The following EXD3 variants were observed in gnomAD, a reference collection of about 807,000 sequenced individuals.
EXD3 encodes exonuclease mut-7 homolog.
A neutral mutation model predicts 98.0 loss-of-function variants in EXD3; 92 were observed. The ratio of observed to expected loss-of-function variants is 0.94; its 90% confidence interval spans 0.79 to 1.12. The LOEUF (loss-of-function observed/expected upper bound fraction) is 1.12. Ranked by LOEUF, EXD3 falls within the 50% of genes most tolerant of loss-of-function variation. The probability of loss-of-function intolerance (pLI) is 0.00; values close to 1 mark genes in which losing one functional copy is unlikely to be tolerated. For missense variants in EXD3, 1,222 were observed against 1,191.6 expected (o/e 1.03, Z -0.38); for synonymous variants, 569 against 526.0 (o/e 1.08, Z -1.12).
At position 137,362,802 on chromosome 9, in the gene EXD3, G is replaced by T. The variant is rs1489865620; in HGVS notation, c.656+3691C>A. On this transcript the variant is annotated intron_variant, in intron 7 of 21. Transcript: ENST00000340951. ...GTCTGTTGGTGTCTTCTCAGTCTTT[G>T]TTGTTGTTGTTTTTGTTGTTGTTTT... Among the ~76,000 whole-genome samples the T allele has an allele frequency of 2.0e-5, 3 of 151,950 alleles. No homozygotes were observed. In the East Asian group the frequency reaches 5.8e-4, roughly 29 times the overall value.
At chr9:137,311,765 G>C (rs1447782108) in intron 19 of EXD3, among the ~76,000 whole-genome samples, 2 of 152,226 alleles carry the variant, frequency 1.3e-5, no homozygotes, top group Admixed American at 1.3e-4. Flanking sequence ...CCAGCCACAG[G>C]GGGGCCTGGC....
At chr9:137,354,475 T>C in intron 9 of EXD3, 98 bp from the exon 10 acceptor site, 1 of 1,576,864 alleles carries the variant, frequency 6.3e-7, no homozygotes, top group Non-Finnish European at 8.6e-7. Flanking sequence ...GGGTACATCC[T>C]TGGCAGAGCC....
chr9:137,394,077 C>T (rs2131761142), intron 2 of EXD3, among the ~76,000 whole-genome samples: 1 of 152,316 alleles, frequency 6.6e-6, no homozygotes, highest in Admixed American at 6.5e-5. Context: ...TCGGGCTGAC[C>T]CCTCTGGCAC....
At chr9:137,327,548 T>A (rs982026647) in intron 17 of EXD3, among the ~76,000 whole-genome samples, 3 of 151,984 alleles carry the variant, frequency 2.0e-5, no homozygotes, top group Non-Finnish European at 4.4e-5. Flanking sequence ...GTTAAAATGG[T>A]CAATTTCGTG....
At chr9:137,363,208 A>G (rs1835070366) in intron 7 of EXD3, among the ~76,000 whole-genome samples, 1 of 146,230 alleles carries the variant, frequency 6.8e-6, no homozygotes, top group Non-Finnish European at 1.5e-5. Flanking sequence ...GTTGGACTTT[A>G]GTTTTCCTTC....
At chr9:137,413,691 G>A (rs986872606) in intron 1 of EXD3, among the ~76,000 whole-genome samples, 6 of 151,542 alleles carry the variant, frequency 4.0e-5, no homozygotes, top group African/African-American at 1.2e-4. Context: ...TGGTAGAGAC[G>A]GGGTGTTGCC....
At chr9:137,344,925 C>T (rs1687343140) in intron 17 of EXD3, among the ~76,000 whole-genome samples, 1 of 152,072 alleles carries the variant, frequency 6.6e-6, no homozygotes, top group African/African-American at 2.4e-5. Flanking sequence ...TCACCATAAG[C>T]AGCAGAAACA....
intron 19 of EXD3, among the ~76,000 whole-genome samples, chr9:137,311,777 G>A (rs1167828371): frequency 6.6e-6 from 1 of 152,208 alleles, no homozygotes; most frequent in Non-Finnish European, 1.5e-5. Flanking sequence ...GGGCCTGGCA[G>A]CGAGGGCCTC....
chr9:137,364,136 T>C (rs1835111477), intron 7 of EXD3, among the ~76,000 whole-genome samples: 2 of 152,148 alleles, frequency 1.3e-5, no homozygotes, highest in Non-Finnish European at 2.9e-5. Context: ...TCGTGGACTT[T>C]TAAAAGTCAA....
At chr9:137,419,327 G>A (rs1838394741) in intron 1 of EXD3, among the ~76,000 whole-genome samples, 1 of 152,204 alleles carries the variant, frequency 6.6e-6, no homozygotes, top group Admixed American at 6.5e-5. Context: ...GCTACTCTAA[G>A]TCTTTTGTCA....
intron 17 of EXD3, among the ~76,000 whole-genome samples, chr9:137,326,796 C>G (rs1832427547): frequency 6.6e-6 from 1 of 152,084 alleles, no homozygotes; most frequent in Non-Finnish European, 1.5e-5. Flanking sequence ...GTGAAGGTTC[C>G]TCAAGAAGTT....
chr9:137,332,093 GCAAA>G (rs1292256415), intron 17 of EXD3, among the ~76,000 whole-genome samples: 1 of 151,956 alleles, frequency 6.6e-6, no homozygotes, highest in Non-Finnish European at 1.5e-5. Context: ...CATGAATGAC[GCAAA>G]CAAATGGAAA....
At chr9:137,354,898 C>T (rs568509270) in intron 8 of EXD3, 125 bp from the exon 9 acceptor site, 73 of 932,744 alleles carry the variant, frequency 7.8e-5, no homozygotes, top group South Asian at 3.2e-4. Context: ...ACCTCTGCCC[C>T]GGAGCCCACC....
At chr9:137,309,087 G>A (rs931859116) in intron 20 of EXD3, among the ~76,000 whole-genome samples, 9 of 152,132 alleles carry the variant, frequency 5.9e-5, no homozygotes, top group Non-Finnish European at 1.3e-4. Context: ...TAATGGCGGC[G>A]GGGCGGGGGC....
chr9:137,343,888 T>TGTATCCTCTTTACTAC (rs1833784246), intron 17 of EXD3, among the ~76,000 whole-genome samples: 3 of 5,142 alleles, frequency 5.8e-4, no homozygotes, highest in Admixed American at 2.3e-3. Context: ...GCGCCCGGCC[T>TGTATCCTCTTTACTAC]TTTTTTTTTT....
chr9:137,397,455 A>T (rs1385303359), intron 1 of EXD3, among the ~76,000 whole-genome samples: 1 of 152,230 alleles, frequency 6.6e-6, no homozygotes, highest in East Asian at 1.9e-4. Flanking sequence ...GATGATACCT[A>T]AATCCAGAGT....
At chr9:137,338,193 C>T (rs910464962) in intron 17 of EXD3, among the ~76,000 whole-genome samples, 2 of 152,114 alleles carry the variant, frequency 1.3e-5, no homozygotes, top group Admixed American at 6.6e-5. Flanking sequence ...AATATACAGA[C>T]TATTTTCCTG....
chr9:137,355,690 AAAGGGAGGAAGGAGGAAGGAGG>A (rs1564509184), intron 8 of EXD3, among the ~76,000 whole-genome samples: 23 of 23,164 alleles, frequency 9.9e-4, no homozygotes, highest in Admixed American at 5.8e-4. Flanking sequence ...GAGGAAGGAG[AAAGGGAGGAAGGAGGAAGGAGG>A]AAGGAGGAAG....
chr9:137,411,713 AG>A (rs1838010090), intron 1 of EXD3, among the ~76,000 whole-genome samples: 1 of 5,716 alleles, frequency 1.7e-4, no homozygotes, highest in Non-Finnish European at 3.9e-4. Context: ...GGTTGGGGGG[AG>A]GGGGATGGGT....
Sources: gnomAD v4.1 joint callset for allele counts (sites outside exome capture counted in the v4.1 genomes callset) on GRCh38, gnomAD v4.1.1 for gene constraint, MANE v1.5 for transcripts, NCBI Gene and HGNC (gene_info 2026-07-23, HGNC 2026-07-21) for gene names.